Variants in MYH15 observed in about 807,000 individuals in gnomAD.
MYH15 encodes myosin heavy chain 15.
Under a neutral mutation model 240.5 loss-of-function variants are expected in MYH15, and 227 were observed. The ratio of observed to expected loss-of-function variants is 0.94; its 90% CI spans 0.85 to 1.05. The LOEUF (loss-of-function observed/expected upper bound fraction) is 1.05. Ranked by LOEUF, MYH15 falls within the 50% of genes least tolerant of loss-of-function variation. The pLI is 0.00. For synonymous variants in MYH15, 785 were observed against 796.7 expected, an observed-to-expected ratio of 0.99 and a Z score of 0.25; for missense variants, 2,217 against 2,247.5, an observed-to-expected ratio of 0.99 and a Z score of 0.27.
intron 5 of MYH15, 116 bp from the exon 6 acceptor site, chr3:108,498,261 G>A: frequency 1.2e-6 from 1 of 844,348 alleles, no homozygotes; most frequent in Non-Finnish European, 2.0e-6. Flanking sequence ...CATAAAAGTA[G>A]AGCTTCAGAT....
chr3:108,471,816 T>C lies in MYH15; in HGVS notation c.1234-969A>G, dbSNP rs534589094. ...TACCATCTTAATAAGATTCAGAATA[T>C]TTGTAATACTATGCACAATAGTTTG... On this transcript the variant is annotated intron_variant, in intron 12 of 40. Transcript: ENST00000693548. Among the ~76,000 whole-genome samples, 5 of 152,290 alleles carry C rather than the reference T, an allele frequency of 3.3e-5. No homozygotes were observed. In the South Asian group the frequency reaches 1.0e-3, roughly 32 times the overall value.
intron 9 of MYH15, among the ~76,000 whole-genome samples, chr3:108,487,781 AAC>A (rs1291954579): frequency 6.6e-6 from 1 of 152,198 alleles, no homozygotes; most frequent in Non-Finnish European, 1.5e-5. Context: ...ATATACTTAA[AAC>A]ACGTGCAGTG....
At chr3:108,475,244 T>C (rs1226470329) in intron 12 of MYH15, among the ~76,000 whole-genome samples, 2 of 152,104 alleles carry the variant, frequency 1.3e-5, no homozygotes, top group Non-Finnish European at 2.9e-5. Context: ...ACTAGCTATA[T>C]ATCCTTTGGA....
rs563888709 is a variant in MYH15, at chr3:108,456,664, G to A, written c.2138+102C>T. ...CCAAAACACATCGATTTGTAGTCTG[G>A]AGGACATCAACCAAACAAACAATGC... On this transcript the variant is annotated intron_variant, in intron 19 of 40. Coordinates refer to ENST00000693548, the MANE Select transcript of MYH15 (RefSeq NM_014981.3). 6.3e-6 allele frequency: 5 copies of A among 788,892 alleles called. No homozygotes were observed. In the South Asian group the frequency reaches 8.0e-5, roughly 13 times the overall value. The allele number at this position is 788,892 out of a possible 1,614,324, so 48.9% of individuals were successfully genotyped here. A position where few individuals can be genotyped will look rare whatever the true frequency, so the allele number is the denominator to read the frequency against.
chr3:108,440,332 T>G (rs1476231184), intron 23 of MYH15, among the ~76,000 whole-genome samples: 1 of 152,114 alleles, frequency 6.6e-6, no homozygotes, highest in African/African-American at 2.4e-5. Flanking sequence ...AAGTGGCAGT[T>G]AAAGAAAGGT....
At chr3:108,455,595 C>A in intron 20 of MYH15, 141 bp downstream of exon 20, 1 of 979,482 alleles carries the variant, frequency 1.0e-6, no homozygotes, top group South Asian at 2.1e-5. Context: ...GAAGTTTTCA[C>A]CTTCAGCTAA....
In MYH15 at chr3:108,464,617, G is replaced by T. The variant is rs183175105; in HGVS notation, c.1731+21C>A. ...AACAAAGTCAGGAAAATTCAAGACC[G>T]GGGGTCCAGAGGTAACTCACCACTC... On this transcript the variant is annotated intron_variant, in intron 15 of 40. Coordinates refer to ENST00000693548, the MANE Select transcript of MYH15 (RefSeq NM_014981.3). The T allele has an allele frequency of 1.9e-6, 3 of 1,576,148 alleles. No homozygotes were observed. In the African/African-American group the frequency reaches 4.1e-5, roughly 22 times the overall value.
chr3:108,425,889 G>A (rs1479874562), intron 27 of MYH15, among the ~76,000 whole-genome samples: 1 of 152,194 alleles, frequency 6.6e-6, no homozygotes, highest in Non-Finnish European at 1.5e-5. Flanking sequence ...TTCTGCTGAG[G>A]TCTTAAATGG....
intron 6 of MYH15, 134 bp from the exon 7 acceptor site, chr3:108,496,006 GT>G: frequency 1.7e-6 from 1 of 575,514 alleles, no homozygotes; most frequent in Non-Finnish European, 3.0e-6. Flanking sequence ...TCCAAATTTG[GT>G]TATATTATCT....
intron 14 of MYH15, among the ~76,000 whole-genome samples, chr3:108,468,612 T>C (rs184123121): frequency 2.7e-4 from 41 of 152,364 alleles, no homozygotes; most frequent in Middle Eastern, 3.4e-3. Context: ...TTTTATCATT[T>C]GGTCAGTAAT....
intron 13 of MYH15, 65 bp from the exon 14 acceptor site, chr3:108,470,277 G>T: frequency 8.4e-7 from 1 of 1,183,594 alleles, no homozygotes; most frequent in Non-Finnish European, 1.2e-6. Flanking sequence ...TTTCAAGAAT[G>T]TCCAGTAAAG....
chr3:108,507,354 T>G (rs1409031780), intron 1 of MYH15, among the ~76,000 whole-genome samples: 1 of 147,790 alleles, frequency 6.8e-6, no homozygotes, highest in African/African-American at 2.5e-5. Context: ...GGGGAAAGCC[T>G]TTGGCTGAAG....
intron 11 of MYH15, among the ~76,000 whole-genome samples, chr3:108,481,332 A>T (rs1048764570): frequency 3.9e-5 from 6 of 152,226 alleles, no homozygotes; most frequent in African/African-American, 1.4e-4. Flanking sequence ...AGCCATTACT[A>T]TGTGCCAGGC....
Position 108,440,871 on chromosome 3 carries a change from T to C in MYH15, c.2898+147A>G, listed in dbSNP as rs190875165. 17 of 915,836 alleles carry C rather than the reference T, an allele frequency of 1.9e-5. No homozygotes were observed. In the African/African-American group the frequency reaches 2.3e-4, roughly 12 times the overall value. The allele number at this position is 915,836 out of a possible 1,614,324, so 56.7% of individuals were successfully genotyped here. On this transcript the variant is annotated intron_variant, in intron 23 of 40. Transcript: ENST00000693548. The stretch of plus-strand genomic sequence containing the variant: ...ACAGCATAGTTTATCAGACTCTATA[T>C]TTTGTGCCAGTTCTGACTCTCAATG...
chr3:108,517,833 A>G (rs1324772241), intron 1 of MYH15, among the ~76,000 whole-genome samples: 2 of 152,192 alleles, frequency 1.3e-5, no homozygotes, highest in Non-Finnish European at 2.9e-5. Flanking sequence ...TGTGGATTAA[A>G]AGAGTAATAA....
chr3:108,518,294 T>G (rs1576280199), intron 1 of MYH15, among the ~76,000 whole-genome samples: 1 of 152,330 alleles, frequency 6.6e-6, no homozygotes, highest in South Asian at 2.1e-4. Context: ...GTTTCCTACT[T>G]TGTTCACCTT....
At chr3:108,536,984 G>A in the MYH15 span, among the ~76,000 whole-genome samples, 1 of 152,122 alleles carries the variant, frequency 6.6e-6, no homozygotes, top group Admixed American at 6.5e-5. Context: ...CTTCTCCCAC[G>A]TGGCAAATAC....
At chr3:108,405,509 T>C (rs2082539988) in intron 32 of MYH15, 56 bp from the exon 33 acceptor site, 1 of 1,158,908 alleles carries the variant, frequency 8.6e-7, no homozygotes, top group East Asian at 2.5e-5. Flanking sequence ...CAAAATTGTA[T>C]TTTTTACCCA....
At chr3:108,514,316 G>T (rs2083544055), upstream of MYH15, among the ~76,000 whole-genome samples, 1 of 151,696 alleles carries the variant, frequency 6.6e-6, no homozygotes, top group East Asian at 1.9e-4. Context: ...AGTTCTTTTA[G>T]AAATTCAGTC....
Sources: gnomAD v4.1 joint callset for allele counts (sites outside exome capture counted in the v4.1 genomes callset) on GRCh38, gnomAD v4.1.1 for gene constraint, MANE v1.5 for transcripts, NCBI Gene and HGNC (gene_info 2026-07-23, HGNC 2026-07-21) for gene names.